Variants in KCNK10 observed in about 807,000 individuals in gnomAD.
KCNK10 encodes the protein potassium two pore domain channel subfamily K member 10, also known as potassium channel subfamily K member 10.
Under a neutral mutation model 47.7 loss-of-function variants are expected in KCNK10, and 25 were observed. That is an observed-to-expected ratio of 0.52 (90% CI 0.38 to 0.73). KCNK10 has a LOEUF of 0.73. KCNK10 is among the 30% of genes least tolerant of loss of function. The pLI is 0.00. For synonymous variants in KCNK10, 303 were observed against 285.6 expected, an observed-to-expected ratio of 1.06 and a Z score of -0.61; for missense variants, 563 against 714.5, an observed-to-expected ratio of 0.79 and a Z score of 2.42.
chr14:88,306,076 T>C (rs1888197160), intron 1 of KCNK10, among the ~76,000 whole-genome samples: 1 of 152,166 alleles, frequency 6.6e-6, no homozygotes, highest in African/African-American at 2.4e-5. Flanking sequence ...TGAGCCAGCA[T>C]GAGCTGAAGT....
At chr14:88,220,326 A>T (rs974319000) in intron 4 of KCNK10, among the ~76,000 whole-genome samples, 1 of 140,538 alleles carries the variant, frequency 7.1e-6, no homozygotes, top group African/African-American at 2.6e-5. Context: ...CTGAGGCAGG[A>T]GAATGGCGTG....
chr14:88,195,834 C>G (rs890117622), intron 4 of KCNK10, among the ~76,000 whole-genome samples: 2 of 152,202 alleles, frequency 1.3e-5, no homozygotes, highest in African/African-American at 2.4e-5. Flanking sequence ...AAACCTCACT[C>G]TCCCTGCCTC....
intron 1 of KCNK10, among the ~76,000 whole-genome samples, chr14:88,289,503 T>C (rs1028675564): frequency 5.3e-5 from 8 of 152,220 alleles, no homozygotes; most frequent in Non-Finnish European, 8.8e-5. Flanking sequence ...ATGGCAGGAA[T>C]GGGAGCAATG....
intron 1 of KCNK10, among the ~76,000 whole-genome samples, chr14:88,282,389 T>A (rs984482425): frequency 2.0e-5 from 3 of 152,180 alleles, no homozygotes; most frequent in African/African-American, 7.2e-5. Flanking sequence ...CATGATTTTG[T>A]ATTAATTTGC....
chr14:88,257,644 G>A (rs779472734), intron 2 of KCNK10, among the ~76,000 whole-genome samples: 1 of 152,160 alleles, frequency 6.6e-6, no homozygotes, highest in Non-Finnish European at 1.5e-5. Context: ...GTGAACTTAA[G>A]CCATCATTTC....
intron 5 of KCNK10, 74 bp from the exon 6 acceptor site, chr14:88,188,183 T>G: frequency 8.0e-6 from 12 of 1,499,022 alleles, no homozygotes; most frequent in Non-Finnish European, 1.0e-5. Flanking sequence ...TTCCATTCCA[T>G]GTAGTGAAGA....
intron 4 of KCNK10, among the ~76,000 whole-genome samples, chr14:88,212,577 T>C (rs1566687482): frequency 2.6e-5 from 4 of 152,158 alleles, no homozygotes; most frequent in Admixed American, 2.0e-4. Context: ...AGGAGACATA[T>C]TGTTTATTCT....
At chr14:88,325,995 A>T (rs1325153786), upstream of KCNK10, among the ~76,000 whole-genome samples, 10 of 152,034 alleles carry the variant, frequency 6.6e-5, no homozygotes, top group Non-Finnish European at 1.5e-4. Context: ...AGGGAGCAGG[A>T]TCAGTGTCTA....
intron 1 of KCNK10, among the ~76,000 whole-genome samples, chr14:88,299,786 T>C (rs538458237): frequency 3.3e-5 from 5 of 152,214 alleles, no homozygotes; most frequent in Non-Finnish European, 7.3e-5. Flanking sequence ...GATAAGTTTA[T>C]TGCATAGGGC....
chr14:88,255,671 G>A (rs1886933654), intron 2 of KCNK10, among the ~76,000 whole-genome samples: 1 of 152,136 alleles, frequency 6.6e-6, no homozygotes, highest in Non-Finnish European at 1.5e-5. Flanking sequence ...AAGAGAGGCA[G>A]GGGAGAAGCC....
At chr14:88,196,323 C>G (rs1884912614) in intron 4 of KCNK10, among the ~76,000 whole-genome samples, 1 of 152,158 alleles carries the variant, frequency 6.6e-6, no homozygotes, top group Admixed American at 6.5e-5. Context: ...TCTAAGAGCT[C>G]TCTTTTGAGA....
intron 4 of KCNK10, among the ~76,000 whole-genome samples, chr14:88,222,841 T>C (rs1361615724): frequency 6.6e-6 from 1 of 152,200 alleles, no homozygotes; most frequent in Non-Finnish European, 1.5e-5. Flanking sequence ...AGAGCTACCA[T>C]GCCAAGGAAA....
rs566133477 is a variant in KCNK10, at chr14:88,189,627, C to G, written c.869-1518G>C. ...CTGGATTCGGAGTTCTGTGTGTGCTCCCAGACAGAGTTGCGAAATATTGTA... is the reference window on the plus strand; with the variant it reads ...CTGGATTCGGAGTTCTGTGTGTGCTGCCAGACAGAGTTGCGAAATATTGTA... On this transcript the variant is annotated intron_variant, in intron 5 of 6. Transcript: ENST00000319231. Among the ~76,000 whole-genome samples the G allele has an allele frequency of 6.6e-5, 10 of 152,244 alleles. No individual in the cohort carries two copies. In the South Asian group the frequency reaches 1.2e-3, roughly 19 times the overall value.
intron 2 of KCNK10, among the ~76,000 whole-genome samples, chr14:88,255,573 T>A (rs913132287): frequency 6.6e-6 from 1 of 150,978 alleles, no homozygotes; most frequent in African/African-American, 2.4e-5. Context: ...TCTGGTGGTA[T>A]CCACCTGTAG....
intron 2 of KCNK10, among the ~76,000 whole-genome samples, chr14:88,244,466 A>C (rs1886570262): frequency 6.6e-6 from 1 of 152,164 alleles, no homozygotes. Context: ...CAGGAGTTTG[A>C]GGCCATCCTG....
At position 88,189,668 on chromosome 14, in the gene KCNK10, G is replaced by A. The variant is rs192958015; in HGVS notation, c.869-1559C>T. Among the ~76,000 whole-genome samples, 73 of 152,252 alleles carry A rather than the reference G, an allele frequency of 4.8e-4. 1 individual carries two copies. Among genetic ancestry groups the A allele is most frequent in the Admixed American group, 4.7e-3 (72 of 15,300 alleles). On this transcript the variant is annotated intron_variant, in intron 5 of 6. Coordinates refer to ENST00000319231, the MANE Select transcript of KCNK10 (RefSeq NM_138317.3). ...AAATATTGTAAGGCTGTCCTAAAGT[G>A]AGTCAGCTGCAAAATAAATCAGCAA...
chr14:88,270,872 C>T (rs914904414), intron 1 of KCNK10: 1 of 779,034 alleles, frequency 1.3e-6, no homozygotes, highest in Non-Finnish European at 2.4e-6. Flanking sequence ...TCTGAAGGCG[C>T]CACCAACATT....
chr14:88,240,063 A>G (rs1209442936), intron 3 of KCNK10, among the ~76,000 whole-genome samples: 2 of 152,160 alleles, frequency 1.3e-5, no homozygotes, highest in Non-Finnish European at 2.9e-5. Context: ...TCTAGTCAAA[A>G]TCATGCAGAT....
rs138698506 is a variant in KCNK10 at position 88,306,854 on chromosome 14, A to G, written c.52+15893T>C. Among the ~76,000 whole-genome samples the G allele has an allele frequency of 9.6e-4, 146 of 152,330 alleles. 2 individuals are homozygous for G. The East Asian group carries it at 0.024, about 25-fold the overall frequency. Reference sequence around the variant, plus strand: ...TCTCTCCTATCACTTTCATTTCTGTAACTTTCCAAGTTCATATCATAACCC... The same window carrying G: ...TCTCTCCTATCACTTTCATTTCTGTGACTTTCCAAGTTCATATCATAACCC... On this transcript the variant is annotated intron_variant, in intron 1 of 6. Transcript: ENST00000319231.
Sources: gnomAD v4.1 joint callset for allele counts (sites outside exome capture counted in the v4.1 genomes callset) on GRCh38, gnomAD v4.1.1 for gene constraint, MANE v1.5 for transcripts, NCBI Gene and HGNC (gene_info 2026-07-23, HGNC 2026-07-21) for gene names.